The following CHERP variants were observed in gnomAD, a reference collection of about 807,000 sequenced individuals.
CHERP encodes calcium homeostasis endoplasmic reticulum protein.
A neutral mutation model predicts 113.8 loss-of-function variants in CHERP; 8 were observed. That is an observed-to-expected ratio of 0.07 (90% CI 0.04 to 0.13). CHERP has a LOEUF of 0.13. CHERP is among the 10% of genes least tolerant of loss of function. The pLI, the probability that CHERP is intolerant of heterozygous loss-of-function variation, is 1.00. For synonymous variants in CHERP, 559 were observed against 524.5 expected (o/e 1.07, Z -0.90); for missense variants, 884 against 1,298.2 (o/e 0.68, Z 4.90).
chr19:16,523,413 ATCT>A lies in CHERP; in HGVS notation c.1742-126_1742-124del, dbSNP rs1568505572. 8.8e-7 allele frequency: 1 copy of A among 1,135,814 alleles called. No individual in the cohort carries two copies. Among genetic ancestry groups the A allele is most frequent in the African/African-American group, 1.6e-5 (1 of 61,874 alleles). The allele number at this position is 1,135,814 out of a possible 1,614,324, so 70.4% of individuals were successfully genotyped here. A position where few individuals can be genotyped will look rare whatever the true frequency, so the allele number is the denominator to read the frequency against. ...AACCCCTCCTGGGAGCCTGTCCAGC[ATCT>A]TCTCTCACTGCTTAAGACCAGGCAG... On this transcript the variant is annotated intron_variant, in intron 10 of 16. Coordinates refer to ENST00000546361, the MANE Select transcript of CHERP (RefSeq NM_006387.6). This position sits in a 1 kb window ranked among gnomAD's most constrained non-coding sequence, Gnocchi z 4.0.
In CHERP at chr19:16,525,527, C is replaced by T; in HGVS notation, c.1456G>A (p.Ala486Thr). ...RDAPWNNQPD[A>T]AWNSQFEGPW... ...CCCTCGAACTGGCTGTTCCAGGCGGCGTCGGGCTGGTTGTTCCAGGGCGCG... is the reference window on the plus strand; with the variant it reads ...CCCTCGAACTGGCTGTTCCAGGCGGTGTCGGGCTGGTTGTTCCAGGGCGCG... The change falls in exon 10 of 17, where the codon GCC becomes ACC. Residue 486 changes from alanine to threonine, a missense_variant. Ala to Thr is a moderately conservative substitution (Grantham distance 58). Around this residue, in one of 8 missense-constraint regions of CHERP, gnomAD observed 464 missense variants for 590.1 expected, o/e 0.79. Coordinates refer to ENST00000546361, the MANE Select transcript of CHERP (RefSeq NM_006387.6). This position sits in a 1 kb window ranked among gnomAD's most constrained non-coding sequence, Gnocchi z 6.5. The T allele has an allele frequency of 1.3e-6, 2 of 1,548,308 alleles. No homozygotes were observed. Among genetic ancestry groups the T allele is most frequent in the Middle Eastern group, 1.7e-4 (1 of 5,936 alleles).
chr19:16,525,768 T>TCACAGCGCTCGGCAGCATCA lies in CHERP; in HGVS notation c.1306-92_1306-91insTGATGCTGCCGAGCGCTGTG. 2 of 1,246,418 alleles carry TCACAGCGCTCGGCAGCATCA rather than the reference T, an allele frequency of 1.6e-6. No individual in the cohort carries two copies. Among genetic ancestry groups the TCACAGCGCTCGGCAGCATCA allele is most frequent in the South Asian group, 1.7e-5 (1 of 59,288 alleles). 77.2% of individuals were successfully genotyped at this position (1,246,418 alleles called of 1,614,324 possible). A position where few individuals can be genotyped will look rare whatever the true frequency, so the allele number is the denominator to read the frequency against. ...CGCTCGGCAGCATCACAGCGCTGGC[T>TCACAGCGCTCGGCAGCATCA]CAGACCATGGAGGCGCTGCCCTGGC... On this transcript the variant is annotated intron_variant, in intron 9 of 16. Coordinates refer to ENST00000546361, the MANE Select transcript of CHERP (RefSeq NM_006387.6). This position sits in a 1 kb window ranked among gnomAD's most constrained non-coding sequence, Gnocchi z 6.5.
intron 3 of CHERP, among the ~76,000 whole-genome samples, chr19:16,534,298 C>T (rs1434880462): frequency 1.3e-5 from 2 of 152,088 alleles, no homozygotes; most frequent in South Asian, 2.1e-4. Context: ...GATCCGCCTG[C>T]CTTGGCCTCC....
At chr19:16,522,266 C>T (rs530293781) in intron 11 of CHERP, among the ~76,000 whole-genome samples, 4 of 152,016 alleles carry the variant, frequency 2.6e-5, no homozygotes, top group Non-Finnish European at 4.4e-5. Context: ...CCCAACCCCC[C>T]CTTTTTTTTT....
At position 16,519,151 on chromosome 19, in the gene CHERP, A is replaced by C. The variant is rs753404597; in HGVS notation, c.*8T>G. 53 of 1,610,326 alleles carry C rather than the reference A, an allele frequency of 3.3e-5. No homozygotes were observed. The highest frequency in any genetic ancestry group is 4.4e-5 in the Non-Finnish European group (52 of 1,178,962). ...GCTGGCCACCGGCGCGGCTCCCGGC[A>C]TGGGCGCCTACTTACACTCGTCCCT... is the stretch of plus-strand genomic sequence containing the variant. On this transcript the variant is annotated 3_prime_UTR_variant, in exon 17 of 17. Coordinates refer to ENST00000546361, the MANE Select transcript of CHERP (RefSeq NM_006387.6). The surrounding 1 kb of genome is among the most constrained non-coding windows in gnomAD (Gnocchi z 6.0).
chr19:16,539,206 G>A (rs1410064653), intron 2 of CHERP, among the ~76,000 whole-genome samples: 1 of 148,974 alleles, frequency 6.7e-6, no homozygotes. Context: ...GGAGTGCAGT[G>A]GTGCGATCTC....
intron 11 of CHERP, among the ~76,000 whole-genome samples, chr19:16,522,511 G>A (rs1436719645): frequency 6.6e-5 from 10 of 152,058 alleles, no homozygotes; most frequent in South Asian, 2.1e-4. Flanking sequence ...CGCCCGCCTC[G>A]GCCTCCCAAA....
intron 8 of CHERP, 91 bp downstream of exon 8, chr19:16,529,557 T>C (rs1599750537): frequency 6.9e-7 from 1 of 1,442,746 alleles, no homozygotes; most frequent in Non-Finnish European, 9.3e-7. Flanking sequence ...GAACTGAGTC[T>C]GAGGGTGGCA....
intron 3 of CHERP, among the ~76,000 whole-genome samples, chr19:16,534,342 C>A (rs1400553663): frequency 6.6e-6 from 1 of 152,082 alleles, no homozygotes; most frequent in Admixed American, 6.5e-5. Flanking sequence ...AGCCACTGTG[C>A]CCAGCTGGAA....
chr19:16,533,546 C>A (rs2085721282), intron 3 of CHERP, among the ~76,000 whole-genome samples: 1 of 152,142 alleles, frequency 6.6e-6, no homozygotes, highest in Non-Finnish European at 1.5e-5. Flanking sequence ...TCGCTTGAGC[C>A]CAGGAGCTCC....
Position 16,535,565 on chromosome 19 carries a change from C to T in CHERP, c.271G>A (p.Ala91Thr). 1 of 1,567,260 alleles carries T rather than the reference C, an allele frequency of 6.4e-7. No individual in the cohort carries two copies. Residue 91 changes from alanine (A) to threonine (T), a missense_variant, in exon 3 of 17, where the codon GCC becomes ACC. This residue lies in a region of CHERP where 109 missense variants were observed against 134.2 expected (regional missense o/e 0.81). Coordinates refer to ENST00000546361, the MANE Select transcript of CHERP (RefSeq NM_006387.6). The surrounding 1 kb of genome is among the most constrained non-coding windows in gnomAD (Gnocchi z 4.3). The part of the protein sequence containing the change: ...TMPPLPQPPL[A>T]PAAPIPPAQG... ...GCCGGCGGGATGGGCGCGGCGGGGG[C>T]CAGCGGGGGCTGTGGCAGGGGTGGC... is the stretch of plus-strand genomic sequence containing the variant.
intron 10 of CHERP, among the ~76,000 whole-genome samples, chr19:16,524,506 A>G (rs1321282902): frequency 1.3e-5 from 2 of 150,986 alleles, no homozygotes; most frequent in Non-Finnish European, 2.9e-5. Flanking sequence ...CAGTGAGCTG[A>G]GATTGTGCCA....
chr19:16,521,739 C>T (rs2085617376), intron 11 of CHERP, 85 bp from the exon 12 acceptor site: 2 of 1,330,808 alleles, frequency 1.5e-6, no homozygotes, highest in South Asian at 1.7e-5. Context: ...GGGGTCAGGG[C>T]AGGGCCCAGG....
At position 16,521,293 on chromosome 19, in the gene CHERP, C is replaced by T. The variant is rs1048670345; in HGVS notation, c.2114+228G>A. The T allele has an allele frequency of 1.9e-5, 11 of 573,072 alleles. No individual in the cohort carries two copies. The Admixed American group carries it at 2.6e-4, about 13-fold the overall frequency. 35.5% of individuals were successfully genotyped at this position (573,072 alleles called of 1,614,324 possible). ...CAGCCGGCTGCTTGAGACGTGCCGC[C>T]GTGCCACACCTTCCCTAACTTCTTC... On this transcript the variant is annotated intron_variant, in intron 12 of 16. Transcript: ENST00000546361.
At chr19:16,538,783 C>G (rs1222131778) in intron 2 of CHERP, among the ~76,000 whole-genome samples, 1 of 151,410 alleles carries the variant, frequency 6.6e-6, no homozygotes, top group African/African-American at 2.4e-5. Context: ...AAGTGGCCAC[C>G]CCCCCGCCCC....
rs2085649167 is a variant in CHERP, at chr19:16,525,255, C to T, written c.1728G>A (p.Gly576=). 1.4e-6 allele frequency: 2 copies of T among 1,429,964 alleles called. No individual in the cohort carries two copies. The highest frequency in any genetic ancestry group is 9.2e-7 in the Non-Finnish European group (1 of 1,089,956). The allele number at this position is 1,429,964 out of a possible 1,614,324, so 88.6% of individuals were successfully genotyped here. A position where few individuals can be genotyped will look rare whatever the true frequency, so the allele number is the denominator to read the frequency against. Residue 576 remains glycine, a synonymous_variant, in exon 10 of 17, where the codon GGG becomes GGA. Coordinates refer to ENST00000546361, the MANE Select transcript of CHERP (RefSeq NM_006387.6). The surrounding 1 kb of genome is among the most constrained non-coding windows in gnomAD (Gnocchi z 6.5). ...PYPHRFDYPQ[G]DFPAEMGPPH... is the part of the protein sequence containing the mutation. ...CCGTACACTCACCGGCAGGGAAGTC[C>T]CCCTGGGGGTAGTCGAAGCGGTGGG... is the stretch of plus-strand genomic sequence containing the variant.
intron 7 of CHERP, 43 bp from the exon 8 acceptor site, chr19:16,529,943 G>C: frequency 1.3e-6 from 2 of 1,581,822 alleles, no homozygotes; most frequent in East Asian, 2.3e-5. Context: ...TGCGGCCTTG[G>C]GGCTCGCTGC....
chr19:16,518,732 G>A lies in CHERP; in HGVS notation c.*427C>T. The A allele has an allele frequency of 4.7e-6, 1 of 211,528 alleles. No individual in the cohort carries two copies. Among genetic ancestry groups the A allele is most frequent in the South Asian group, 7.3e-5 (1 of 13,660 alleles). The allele number at this position is 211,528 out of a possible 1,614,324, so 13.1% of individuals were successfully genotyped here. A position where few individuals can be genotyped will look rare whatever the true frequency, so the allele number is the denominator to read the frequency against. On this transcript the variant is annotated 3_prime_UTR_variant, in exon 17 of 17. Transcript: ENST00000546361. ...AGGTCAGGGCCGGTGGGTGCGGGGA[G>A]CTGGAGGAAGGAGCTGGGGTGCCGG...
chr19:16,527,970 C>T (rs772115573), intron 9 of CHERP, 110 bp downstream of exon 9: 48 of 1,081,516 alleles, frequency 4.4e-5, no homozygotes, highest in Non-Finnish European at 6.3e-5. Flanking sequence ...ACAGAATATC[C>T]CTCATTGTTC....
Sources: allele counts gnomAD v4.1 joint callset (sites outside exome capture counted in the v4.1 genomes callset), GRCh38; gene constraint gnomAD v4.1.1; regional missense constraint gnomAD v4.1.1; non-coding constraint Gnocchi (gnomAD v3.1); transcripts MANE v1.5; gene names NCBI Gene and HGNC (gene_info 2026-07-23, HGNC 2026-07-21).